Variants in NRG3 observed in about 807,000 individuals in gnomAD.
NRG3 encodes pro-neuregulin-3, membrane-bound isoform.
In NRG3, 31 loss-of-function variants were observed where a neutral mutation model predicts 66.9. That is an observed-to-expected ratio of 0.46 (90% confidence interval 0.35 to 0.63). The LOEUF (loss-of-function observed/expected upper bound fraction) is 0.63, where lower values mean the gene tolerates loss of function less well. Among genes scored for constraint, NRG3 ranks in the 20% least tolerant of loss-of-function variants. The probability of loss-of-function intolerance (pLI) is 0.00; values close to 1 mark genes in which losing one functional copy is unlikely to be tolerated. For missense variants in NRG3, 910 were observed against 878.9 expected (o/e 1.04, Z -0.45); for synonymous variants, 393 against 359.4 (o/e 1.09, Z -1.06).
chr10:82,952,471 CTGTGTGTGTGTGTGTGTGTGTGTGTG>C (rs60100337), intron 5 of NRG3, among the ~76,000 whole-genome samples: 3 of 98,790 alleles, frequency 3.0e-5, no homozygotes, highest in African/African-American at 1.2e-4. Flanking sequence ...CTCTCTCTCT[CTGTGTGTGTGTGTGTGTGTGTGTGTG>C]TGTGTGTGTG....
intron 1 of NRG3, among the ~76,000 whole-genome samples, chr10:82,177,649 C>T: frequency 6.6e-6 from 1 of 152,160 alleles, no homozygotes; most frequent in East Asian, 1.9e-4. Context: ...TCACAGCTCG[C>T]TGCCACTTCT....
At chr10:82,202,390 T>A (rs984261907) in intron 1 of NRG3, among the ~76,000 whole-genome samples, 1 of 152,202 alleles carries the variant, frequency 6.6e-6, no homozygotes, top group Non-Finnish European at 1.5e-5. Context: ...TGAGTCTTCC[T>A]TGGTTTTTCC....
At chr10:82,434,109 GTCCTCTCATT>G (rs1216628845) in intron 2 of NRG3, among the ~76,000 whole-genome samples, 2 of 151,916 alleles carry the variant, frequency 1.3e-5, no homozygotes, top group Admixed American at 1.3e-4. Flanking sequence ...ATTTGTTTGT[GTCCTCTCATT>G]TCCTTGAGCA....
chr10:82,736,162 CA>C (rs942165067), intron 2 of NRG3, among the ~76,000 whole-genome samples: 3 of 152,038 alleles, frequency 2.0e-5, no homozygotes, highest in African/African-American at 7.2e-5. Flanking sequence ...AAAACCAAAA[CA>C]AAAACAAGCA....
At chr10:82,718,092 A>G (rs2057084995) in intron 2 of NRG3, among the ~76,000 whole-genome samples, 1 of 152,186 alleles carries the variant, frequency 6.6e-6, no homozygotes, top group African/African-American at 2.4e-5. Flanking sequence ...TAAAAAAATA[A>G]AAATAAAGAG....
At chr10:82,607,558 C>G (rs1010310610) in intron 2 of NRG3, among the ~76,000 whole-genome samples, 6 of 151,994 alleles carry the variant, frequency 3.9e-5, no homozygotes, top group African/African-American at 1.5e-4. Context: ...ATTGATGTAT[C>G]AAACCTTTGA....
intron 1 of NRG3, among the ~76,000 whole-genome samples, chr10:82,081,566 TA>T (rs1279690541): frequency 1.3e-5 from 2 of 152,190 alleles, no homozygotes; most frequent in African/African-American, 4.8e-5. Context: ...CTAGGTAAGG[TA>T]CTTCTATATC....
chr10:82,681,622 T>C lies in NRG3; in HGVS notation c.954-56955T>C, dbSNP rs540454202. On this transcript the variant is annotated intron_variant, in intron 2 of 8. Coordinates refer to ENST00000372141, the MANE Select transcript of NRG3 (RefSeq NM_001010848.4). ...AAATAAATCAATACATTGACAAATG[T>C]CATTTGTCAGTAAAAGTGACACCTT... Among the ~76,000 whole-genome samples the C allele has an allele frequency of 1.5e-4, 23 of 152,284 alleles. 1 individual carries two copies. In the South Asian group the frequency reaches 2.9e-3, roughly 19 times the overall value.
intron 2 of NRG3, among the ~76,000 whole-genome samples, chr10:82,520,398 G>A (rs561690688): frequency 6.6e-6 from 1 of 151,856 alleles, no homozygotes; most frequent in Non-Finnish European, 1.5e-5. Flanking sequence ...GAAATAGAAG[G>A]TTCTAGCTGC....
rs17101000 is a variant in NRG3, at chr10:82,878,508, A to C, written c.1054+13071A>C. Among the ~76,000 whole-genome samples, 734 of 152,304 alleles carry C rather than the reference A, an allele frequency of 4.8e-3. 5 individuals are homozygous for C. The highest frequency in any genetic ancestry group is 0.013 in the African/African-American group (536 of 41,572). ...CAACCCTGTGGACATTAGAAGGATA[A>C]ATTTTCATTTAGTCTGTGCCAGATT... On this transcript the variant is annotated intron_variant, in intron 4 of 8. Coordinates refer to ENST00000372141, the MANE Select transcript of NRG3 (RefSeq NM_001010848.4).
At chr10:82,481,943 C>T (rs116903197) in intron 2 of NRG3, among the ~76,000 whole-genome samples, 237 of 152,178 alleles carry the variant, frequency 1.6e-3, no homozygotes, top group Non-Finnish European at 1.8e-3. Context: ...GCTGAGATCA[C>T]GCCACTGCAC....
At chr10:82,652,156 T>G (rs963037498) in intron 2 of NRG3, among the ~76,000 whole-genome samples, 16 of 152,166 alleles carry the variant, frequency 1.1e-4, no homozygotes, top group African/African-American at 3.9e-4. Context: ...GCTTTTAGGG[T>G]GCCAGCAGGA....
chr10:82,723,486 G>A (rs1258646172), intron 2 of NRG3, among the ~76,000 whole-genome samples: 2 of 151,746 alleles, frequency 1.3e-5, no homozygotes, highest in African/African-American at 4.8e-5. Flanking sequence ...TAAATTATGA[G>A]AAAACAAACA....
intron 7 of NRG3, among the ~76,000 whole-genome samples, chr10:82,977,290 A>G (rs1442457779): frequency 6.6e-6 from 1 of 152,118 alleles, no homozygotes; most frequent in East Asian, 1.9e-4. Flanking sequence ...CTTGTTAGGC[A>G]TTTGGGGACA....
intron 1 of NRG3, among the ~76,000 whole-genome samples, chr10:81,955,563 A>G (rs922352630): frequency 4.6e-5 from 7 of 152,196 alleles, no homozygotes; most frequent in Admixed American, 3.9e-4. Context: ...AATGGGCTTA[A>G]AAATCATGTT....
intron 1 of NRG3, among the ~76,000 whole-genome samples, chr10:82,117,260 G>C (rs2132315625): frequency 6.6e-6 from 1 of 152,102 alleles, no homozygotes; most frequent in East Asian, 1.9e-4. Context: ...ACCATACCTT[G>C]AGTGTCCATC....
intron 2 of NRG3, among the ~76,000 whole-genome samples, chr10:82,542,898 T>C (rs2043638956): frequency 6.6e-6 from 1 of 152,128 alleles, no homozygotes; most frequent in African/African-American, 2.4e-5. Context: ...TTAGATCTTT[T>C]TTTTTTTTTT....
chr10:82,789,664 G>A lies in NRG3; in HGVS notation c.1027+51014G>A, dbSNP rs7083292. ...ATATCTGCCTTTTATTGGAATGTTT[G>A]ACACATTTACATTTAATGTAATTGT... On this transcript the variant is annotated intron_variant, in intron 3 of 8. Transcript: ENST00000372141. Among the ~76,000 whole-genome samples the A allele has an allele frequency of 8.1e-3, 1,235 of 152,048 alleles. 22 individuals are homozygous for A. Among genetic ancestry groups the A allele is most frequent in the African/African-American group, 0.029 (1,192 of 41,500 alleles).
intron 1 of NRG3, among the ~76,000 whole-genome samples, chr10:82,035,123 G>C (rs1301289194): frequency 6.6e-6 from 1 of 152,028 alleles, no homozygotes; most frequent in East Asian, 1.9e-4. Flanking sequence ...TATGCTTCCA[G>C]ATAGACTCGC....
Sources: allele counts gnomAD v4.1 joint callset (sites outside exome capture counted in the v4.1 genomes callset), GRCh38; gene constraint gnomAD v4.1.1; transcripts MANE v1.5; gene names NCBI Gene and HGNC (gene_info 2026-07-23, HGNC 2026-07-21).